The following FLI1 variants were observed in gnomAD, a reference collection of about 807,000 sequenced individuals.
FLI1 encodes Friend leukemia integration 1 transcription factor.
FLI1 carries 13 observed loss-of-function variants against 53.1 expected under a neutral mutation model. The ratio of observed to expected loss-of-function variants is 0.24; its 90% CI spans 0.16 to 0.39. The LOEUF (loss-of-function observed/expected upper bound fraction) is 0.39. FLI1 is among the 10% of genes least tolerant of loss of function. FLI1 has a pLI of 1.00. For missense variants in FLI1, 424 were observed against 600.5 expected (o/e 0.71, Z 3.07); for synonymous variants, 244 against 236.7 (o/e 1.03, Z -0.28).
At chr11:128,708,831 C>T (rs1434248045) in intron 1 of FLI1, among the ~76,000 whole-genome samples, 1 of 152,178 alleles carries the variant, frequency 6.6e-6, no homozygotes, top group Non-Finnish European at 1.5e-5. Flanking sequence ...GCACCCGCCC[C>T]GTCTTTTTAT....
At chr11:128,707,331 T>C (rs1441315005) in intron 1 of FLI1, among the ~76,000 whole-genome samples, 1 of 152,118 alleles carries the variant, frequency 6.6e-6, no homozygotes, top group African/African-American at 2.4e-5. Context: ...TAAGAACACA[T>C]TGGTCGAAGG....
rs528341596 is a variant in FLI1 at position 128,720,016 on chromosome 11, C to T, written c.18+25740C>T. Among the ~76,000 whole-genome samples, 12 of 152,180 alleles carry T rather than the reference C, an allele frequency of 7.9e-5. 2 individuals are homozygous for T. In the South Asian group the frequency reaches 2.3e-3, roughly 29 times the overall value. On this transcript the variant is annotated intron_variant, in intron 1 of 8. Coordinates refer to ENST00000527786, the MANE Select transcript of FLI1 (RefSeq NM_002017.5). ...CTTCATCCTTGTATAAAATTTAAAA[C>T]GTATAGAAAATTTCAAAATAAGAAT...
chr11:128,700,565 C>T (rs150636890), intron 1 of FLI1, among the ~76,000 whole-genome samples: 1 of 152,118 alleles, frequency 6.6e-6, no homozygotes, highest in Admixed American at 6.5e-5. Flanking sequence ...CTACAGAGGA[C>T]CTTACATACT....
chr11:128,758,969 G>C (rs1431906143), intron 2 of FLI1, among the ~76,000 whole-genome samples: 1 of 152,216 alleles, frequency 6.6e-6, no homozygotes, highest in Admixed American at 6.5e-5. Flanking sequence ...TCCTGCCTCT[G>C]CCCCTTGGGC....
intron 1 of FLI1, among the ~76,000 whole-genome samples, chr11:128,746,057 G>C (rs556188681): frequency 7.8e-4 from 119 of 152,312 alleles, no homozygotes; most frequent in Non-Finnish European, 1.1e-3. Context: ...AATTAGGCAA[G>C]CCTTGGGGGA....
At chr11:128,726,495 G>C (rs909535611) in intron 1 of FLI1, among the ~76,000 whole-genome samples, 24 of 152,146 alleles carry the variant, frequency 1.6e-4, no homozygotes, top group Non-Finnish European at 2.9e-5. Context: ...AGTTCCTGGA[G>C]GGACACTAAC....
chr11:128,746,301 C>G (rs930855352), intron 1 of FLI1, among the ~76,000 whole-genome samples: 7 of 152,080 alleles, frequency 4.6e-5, no homozygotes, highest in African/African-American at 1.7e-4. Flanking sequence ...AATTTGTCCT[C>G]GAGAAAAAGA....
Position 128,812,657 on chromosome 11 carries a change from A to C in FLI1, c.*1669A>C, listed in dbSNP as rs893429445. ...GTTTTATAAAACAGCAGCTAAGGCCATGGATAAACCTGTATGTAAGGACTG... is the reference window on the plus strand; with the variant it reads ...GTTTTATAAAACAGCAGCTAAGGCCCTGGATAAACCTGTATGTAAGGACTG... On this transcript the variant is annotated 3_prime_UTR_variant, in exon 9 of 9. Coordinates refer to ENST00000527786, the MANE Select transcript of FLI1 (RefSeq NM_002017.5). The C allele has an allele frequency of 4.5e-6, 1 of 222,510 alleles. No homozygotes were observed. The highest frequency in any genetic ancestry group is 9.0e-6 in the Non-Finnish European group (1 of 111,212). The allele number at this position is 222,510 out of a possible 1,614,324, so 13.8% of individuals were successfully genotyped here.
chr11:128,714,632 T>C (rs928789863), intron 1 of FLI1, among the ~76,000 whole-genome samples: 3 of 151,036 alleles, frequency 2.0e-5, no homozygotes, highest in Non-Finnish European at 2.9e-5. Context: ...GTAATGCCAA[T>C]AACAATAATG....
intron 1 of FLI1, among the ~76,000 whole-genome samples, chr11:128,748,716 A>C (rs1029139078): frequency 6.6e-6 from 1 of 152,278 alleles, no homozygotes; most frequent in Non-Finnish European, 1.5e-5. Flanking sequence ...GCTACGGCCT[A>C]AAATTGGAGA....
intron 1 of FLI1, among the ~76,000 whole-genome samples, chr11:128,747,465 C>G (rs1940447293): frequency 6.6e-6 from 1 of 152,334 alleles, no homozygotes; most frequent in Non-Finnish European, 1.5e-5. Context: ...GTTGCTGCTT[C>G]CATTTTTATC....
chr11:128,793,767 G>A lies in FLI1; in HGVS notation c.656-11599G>A, dbSNP rs546180418. 7.5e-4 allele frequency among the ~76,000 whole-genome samples: 115 copies of A among 152,326 alleles called. 1 individual carries two copies. Among genetic ancestry groups the A allele is most frequent in the Middle Eastern group, 6.8e-3 (2 of 294 alleles). ...TACATTAATGATGGTGACAATGAATGCATGAGCCCTGCTACATTTTAGTAA... is the reference window on the plus strand; with the variant it reads ...TACATTAATGATGGTGACAATGAATACATGAGCCCTGCTACATTTTAGTAA... On this transcript the variant is annotated intron_variant, in intron 5 of 8. Transcript: ENST00000527786.
chr11:128,771,070 G>A (rs936050073), intron 3 of FLI1, among the ~76,000 whole-genome samples: 1 of 152,240 alleles, frequency 6.6e-6, no homozygotes, highest in East Asian at 1.9e-4. Context: ...TACCAGCGAT[G>A]GGGCTTTGGG....
At chr11:128,765,160 GC>G (rs1941288139) in intron 2 of FLI1, among the ~76,000 whole-genome samples, 1 of 152,170 alleles carries the variant, frequency 6.6e-6, no homozygotes, top group Non-Finnish European at 1.5e-5. Context: ...CAGCAAGAGA[GC>G]CCCCTCCTCC....
At chr11:128,778,488 A>G (rs549314907) in intron 4 of FLI1, among the ~76,000 whole-genome samples, 2 of 152,328 alleles carry the variant, frequency 1.3e-5, no homozygotes, top group African/African-American at 4.8e-5. Context: ...GGTTTTGTGA[A>G]TAGACCACGA....
Position 128,801,173 on chromosome 11 carries a change from G to A in FLI1, c.656-4193G>A, listed in dbSNP as rs545261332. ...CACATTCGAGAGGGCCTCCATGCAC[G>A]CTCAGGCTTCTTCTCATAGCAGGCA... On this transcript the variant is annotated intron_variant, in intron 5 of 8. Coordinates refer to ENST00000527786, the MANE Select transcript of FLI1 (RefSeq NM_002017.5). Among the ~76,000 whole-genome samples the A allele has an allele frequency of 3.9e-5, 6 of 152,320 alleles. No homozygotes were observed. The South Asian group carries it at 8.3e-4, about 21-fold the overall frequency.
chr11:128,712,624 G>A (rs905505990), intron 1 of FLI1, among the ~76,000 whole-genome samples: 1 of 152,148 alleles, frequency 6.6e-6, no homozygotes, highest in Non-Finnish European at 1.5e-5. Context: ...ACGGATGGCA[G>A]CAGGCAAAAA....
chr11:128,799,880 T>A (rs992018118), intron 5 of FLI1, among the ~76,000 whole-genome samples: 9 of 152,286 alleles, frequency 5.9e-5, no homozygotes, highest in African/African-American at 2.2e-4. Flanking sequence ...AGACTGGACC[T>A]ATTAGAAGCA....
chr11:128,743,538 C>T (rs1221631845), intron 1 of FLI1, among the ~76,000 whole-genome samples: 1 of 152,126 alleles, frequency 6.6e-6, no homozygotes, highest in African/African-American at 2.4e-5. Flanking sequence ...AGGGCATGTC[C>T]ACCTGGTAGG....
Sources: allele counts gnomAD v4.1 joint callset (sites outside exome capture counted in the v4.1 genomes callset), GRCh38; gene constraint gnomAD v4.1.1; transcripts MANE v1.5; gene names NCBI Gene and HGNC (gene_info 2026-07-23, HGNC 2026-07-21).